Variants in HCN1 observed in about 807,000 individuals in gnomAD.
HCN1 encodes the protein potassium/sodium hyperpolarization-activated cyclic nucleotide-gated channel 1.
Under a neutral mutation model 78.9 loss-of-function variants are expected in HCN1, and 13 were observed. The ratio of observed to expected loss-of-function variants is 0.16; its 90% CI spans 0.11 to 0.26. HCN1 has a LOEUF of 0.26. Among genes scored for constraint, HCN1 ranks in the 10% least tolerant of loss-of-function variants. The pLI, the probability that HCN1 is intolerant of heterozygous loss-of-function variation, is 1.00. For missense variants in HCN1, 810 were observed against 1,154.3 expected (o/e 0.70, Z 4.32); for synonymous variants, 552 against 455.5 (o/e 1.21, Z -2.70).
chr5:45,628,185 T>A (rs1209451051), intron 2 of HCN1, among the ~76,000 whole-genome samples: 1 of 152,114 alleles, frequency 6.6e-6, no homozygotes, highest in Non-Finnish European at 1.5e-5. Context: ...TCTCTTGGTG[T>A]GATAAAAATT....
At chr5:45,584,738 C>G (rs185498168) in intron 2 of HCN1, among the ~76,000 whole-genome samples, 10 of 152,296 alleles carry the variant, frequency 6.6e-5, no homozygotes, top group Middle Eastern at 6.8e-3. Context: ...GTGACAAAAT[C>G]TCTCAGCATT....
intron 3 of HCN1, among the ~76,000 whole-genome samples, chr5:45,454,418 ATT>A: frequency 6.6e-6 from 1 of 150,600 alleles, no homozygotes; most frequent in South Asian, 2.1e-4. Context: ...CTACGAAGGC[ATT>A]TTTTTTTCCA....
At chr5:45,575,948 G>A (rs573158765) in intron 2 of HCN1, 1 of 152,120 alleles carries the variant, frequency 6.6e-6, no homozygotes, top group Non-Finnish European at 1.5e-5. Context: ...TGATTCCTCT[G>A]ATAAATCTGG....
intron 2 of HCN1, among the ~76,000 whole-genome samples, chr5:45,599,256 G>T (rs1376998694): frequency 2.0e-5 from 3 of 152,114 alleles, no homozygotes; most frequent in Non-Finnish European, 4.4e-5. Flanking sequence ...GATGTCCTTT[G>T]CAGGGACATG....
At chr5:45,276,433 G>A (rs534158505) in intron 6 of HCN1, among the ~76,000 whole-genome samples, 1 of 152,106 alleles carries the variant, frequency 6.6e-6, no homozygotes, top group African/African-American at 2.4e-5. Flanking sequence ...ATTCTAGCAA[G>A]GGATAAGTAT....
At chr5:45,677,258 A>G (rs1739578933) in intron 1 of HCN1, among the ~76,000 whole-genome samples, 1 of 151,744 alleles carries the variant, frequency 6.6e-6, no homozygotes, top group African/African-American at 2.4e-5. Flanking sequence ...GAAGTTCACA[A>G]AAAAATAGAG....
At chr5:45,334,588 G>A (rs754885827) in intron 5 of HCN1, among the ~76,000 whole-genome samples, 1 of 151,742 alleles carries the variant, frequency 6.6e-6, no homozygotes, top group Non-Finnish European at 1.5e-5. Context: ...CTTCCTTTGA[G>A]ACTGAAAAAT....
intron 1 of HCN1, among the ~76,000 whole-genome samples, chr5:45,661,070 C>A (rs1374132215): frequency 1.2e-3 from 174 of 142,272 alleles, no homozygotes; most frequent in Non-Finnish European, 7.4e-4. Flanking sequence ...CTCTCCTCAG[C>A]AAATGTAAAA....
intron 2 of HCN1, among the ~76,000 whole-genome samples, chr5:45,524,636 A>G (rs1399107139): frequency 2.0e-5 from 3 of 152,034 alleles, no homozygotes; most frequent in African/African-American, 4.8e-5. Flanking sequence ...ATGGGCGTTC[A>G]CTCATGATTT....
At chr5:45,493,788 C>T (rs1741954077) in intron 2 of HCN1, among the ~76,000 whole-genome samples, 2 of 109,802 alleles carry the variant, frequency 1.8e-5, no homozygotes, top group African/African-American at 3.6e-5. Context: ...GTGTGATGTT[C>T]CCCTTCCTGT....
At chr5:45,468,607 A>T (rs1741328856) in intron 2 of HCN1, among the ~76,000 whole-genome samples, 1 of 152,052 alleles carries the variant, frequency 6.6e-6, no homozygotes, top group Non-Finnish European at 1.5e-5. Context: ...ATAGAATTTT[A>T]ATTTCATCTA....
At chr5:45,604,439 G>C (rs1744686364) in intron 2 of HCN1, among the ~76,000 whole-genome samples, 1 of 151,730 alleles carries the variant, frequency 6.6e-6, no homozygotes, top group South Asian at 2.1e-4. Context: ...CTGTGCTTTT[G>C]ACACACTAAA....
intron 4 of HCN1, 109 bp from the exon 5 acceptor site, chr5:45,353,355 A>G (rs192747212): frequency 3.6e-6 from 3 of 826,694 alleles, no homozygotes; most frequent in East Asian, 2.6e-5. Flanking sequence ...CAGTTACAAA[A>G]AAAAAGAAAT....
At chr5:45,613,154 C>T (rs1744874245) in intron 2 of HCN1, among the ~76,000 whole-genome samples, 2 of 117,738 alleles carry the variant, frequency 1.7e-5, no homozygotes, top group South Asian at 3.5e-4. Context: ...TCCCTCCCCC[C>T]TCCCCCCACC....
At chr5:45,284,604 G>T (rs933099325) in intron 6 of HCN1, among the ~76,000 whole-genome samples, 4 of 152,128 alleles carry the variant, frequency 2.6e-5, no homozygotes, top group Non-Finnish European at 4.4e-5. Context: ...GCAGAATCCA[G>T]TTTATAGAAT....
intron 3 of HCN1, among the ~76,000 whole-genome samples, chr5:45,453,024 T>A (rs1740954885): frequency 6.6e-6 from 1 of 151,980 alleles, no homozygotes; most frequent in Admixed American, 6.6e-5. Context: ...GCAGGAGGGA[T>A]AAAAATGAGA....
intron 2 of HCN1, among the ~76,000 whole-genome samples, chr5:45,613,094 A>G (rs867240395): frequency 9.2e-5 from 14 of 151,360 alleles, no homozygotes; most frequent in South Asian, 2.1e-4. Context: ...ATGCTGGTGC[A>G]CTGCACCCAC....
chr5:45,644,910 C>G, intron 2 of HCN1: 1 of 493,042 alleles, frequency 2.0e-6, no homozygotes, highest in African/African-American at 2.0e-5. Context: ...TTGTATTGAT[C>G]AAGATAATAA....
At chr5:45,373,728 T>G (rs1311702409) in intron 4 of HCN1, among the ~76,000 whole-genome samples, 1 of 122,672 alleles carries the variant, frequency 8.2e-6, no homozygotes, top group East Asian at 2.4e-4. Context: ...TTACGGTATA[T>G]ACGTCATCTA....
Sources: gnomAD v4.1 joint callset for allele counts (sites outside exome capture counted in the v4.1 genomes callset) on GRCh38, gnomAD v4.1.1 for gene constraint, MANE v1.5 for transcripts, NCBI Gene and HGNC (gene_info 2026-07-23, HGNC 2026-07-21) for gene names.